PSD3: variants seen among roughly 807,000 people sequenced by gnomAD.
PSD3 encodes pleckstrin and Sec7 domain containing 3, also known as PH and SEC7 domain-containing protein 3.
A neutral mutation model predicts 105.5 loss-of-function variants in PSD3; 49 were observed. The observed-to-expected ratio is 0.46, with a 90% CI of 0.37 to 0.59. The LOEUF is 0.59. Among genes scored for constraint, PSD3 ranks in the 20% least tolerant of loss-of-function variants. PSD3 has a pLI of 0.00. For synonymous variants in PSD3, 557 were observed against 457.8 expected, an observed-to-expected ratio of 1.22 and a Z score of -2.77; for missense variants, 1,561 against 1,263.8, an observed-to-expected ratio of 1.24 and a Z score of -3.57.
chr8:18,656,795 C>A (rs561628156), intron 9 of PSD3, among the ~76,000 whole-genome samples: 103 of 152,180 alleles, frequency 6.8e-4, no homozygotes, highest in African/African-American at 2.5e-3. Context: ...TAATAGTGCA[C>A]AACAGCCTCA....
intron 1 of PSD3, among the ~76,000 whole-genome samples, chr8:18,966,132 T>G (rs1462779612): frequency 6.6e-6 from 1 of 151,976 alleles, no homozygotes; most frequent in Non-Finnish European, 1.5e-5. Context: ...CAGTAAAGAG[T>G]TGACTATACC....
chr8:18,980,557 G>T (rs1825198943), intron 1 of PSD3, among the ~76,000 whole-genome samples: 2 of 151,986 alleles, frequency 1.3e-5, no homozygotes, highest in Non-Finnish European at 2.9e-5. Context: ...AAATACATTA[G>T]GGTTTACATC....
rs543703959 is a variant in PSD3, at chr8:18,631,008, C to T, written c.2410+1605G>A. Reference sequence around the variant, plus strand: ...CAGAGGCCCTGGAATCAATCCCCTACAGATATTAAGGGACAACGGTATTTT... The same window carrying T: ...CAGAGGCCCTGGAATCAATCCCCTATAGATATTAAGGGACAACGGTATTTT... On this transcript the variant is annotated intron_variant, in intron 11 of 15. Coordinates refer to ENST00000327040, the MANE Select transcript of PSD3 (RefSeq NM_015310.4). Among the ~76,000 whole-genome samples the T allele has an allele frequency of 1.2e-3, 179 of 152,068 alleles. 6 individuals are homozygous for T. In the South Asian group the frequency reaches 0.036, roughly 31 times the overall value.
In PSD3 at chr8:18,804,975, A is replaced by G. The variant is rs994326536; in HGVS notation, c.1635-77T>C. On this transcript the variant is annotated intron_variant, in intron 4 of 15. Transcript: ENST00000327040. Reference sequence around the variant, plus strand: ...AAGGAAAATATCTGATGAAATATTGATAGTTTTCTTTTAGTTCAGCTACAC... The same window carrying G: ...AAGGAAAATATCTGATGAAATATTGGTAGTTTTCTTTTAGTTCAGCTACAC... 8.1e-6 allele frequency: 10 copies of G among 1,241,152 alleles called. No homozygotes were observed. In the African/African-American group the frequency reaches 1.4e-4, roughly 17 times the overall value. The allele number at this position is 1,241,152 out of a possible 1,614,324, so 76.9% of individuals were successfully genotyped here. A position where few individuals can be genotyped will look rare whatever the true frequency, so the allele number is the denominator to read the frequency against.
At chr8:18,814,478 C>G (rs940281754) in intron 4 of PSD3, among the ~76,000 whole-genome samples, 7 of 152,180 alleles carry the variant, frequency 4.6e-5, no homozygotes, top group African/African-American at 1.7e-4. Context: ...TGCAGGTTTT[C>G]ACTTTTTGTT....
At chr8:18,545,359 A>G (rs1800394949) in intron 15 of PSD3, among the ~76,000 whole-genome samples, 1 of 152,190 alleles carries the variant, frequency 6.6e-6, no homozygotes, top group Non-Finnish European at 1.5e-5. Flanking sequence ...GCTGTTTCCA[A>G]AGGTCCCACC....
At chr8:18,850,405 A>C (rs1815467320) in intron 4 of PSD3, among the ~76,000 whole-genome samples, 1 of 152,262 alleles carries the variant, frequency 6.6e-6, no homozygotes, top group Non-Finnish European at 1.5e-5. Flanking sequence ...AAAGATGATC[A>C]GCTGTGGATG....
intron 12 of PSD3, among the ~76,000 whole-genome samples, chr8:18,584,916 A>G (rs114544489): frequency 1.2e-3 from 184 of 152,244 alleles, no homozygotes; most frequent in African/African-American, 4.0e-3. Context: ...GGTGAGAGGG[A>G]GAGGGAGCGG....
chr8:18,803,743 G>A (rs75995783), intron 6 of PSD3, among the ~76,000 whole-genome samples: 1,762 of 152,034 alleles, frequency 0.012, 18 homozygotes, highest in Middle Eastern at 0.021. Flanking sequence ...GAGAAGAGAA[G>A]TAGAATAGTG....
intron 4 of PSD3, among the ~76,000 whole-genome samples, chr8:18,836,301 T>A (rs1814102686): frequency 6.6e-6 from 1 of 152,328 alleles, no homozygotes; most frequent in Admixed American, 6.5e-5. Context: ...CCTACAGTTA[T>A]CTCAAATATC....
rs572065867 is a variant in PSD3, at chr8:18,600,816, C to G, written c.2411-382G>C. On this transcript the variant is annotated intron_variant, in intron 11 of 15. Transcript: ENST00000327040. ...AAATACATAGCAATCCAAGAGAAAGCTTAAAGAGCTCATGTACCAGAGCCT... is the reference window on the plus strand; with the variant it reads ...AAATACATAGCAATCCAAGAGAAAGGTTAAAGAGCTCATGTACCAGAGCCT... Among the ~76,000 whole-genome samples, 4 of 152,300 alleles carry G rather than the reference C, an allele frequency of 2.6e-5. No individual in the cohort carries two copies. The South Asian group carries it at 8.3e-4, about 32-fold the overall frequency.
At chr8:18,612,480 C>A (rs55883846) in intron 11 of PSD3, among the ~76,000 whole-genome samples, 33,492 of 151,884 alleles carry the variant, frequency 0.22, 3,948 homozygotes, top group Middle Eastern at 0.38. Context: ...TCAAGCCATT[C>A]CCCTGCCTCA....
chr8:18,930,697 G>C lies in PSD3; in HGVS notation c.130+5337C>G, dbSNP rs967318038. Among the ~76,000 whole-genome samples the C allele has an allele frequency of 2.6e-5, 4 of 151,832 alleles. No individual in the cohort carries two copies. In the East Asian group the frequency reaches 7.8e-4, roughly 30 times the overall value. On this transcript the variant is annotated intron_variant, in intron 2 of 15. Coordinates refer to ENST00000327040, the MANE Select transcript of PSD3 (RefSeq NM_015310.4). ...CGATTCTCCTGCCTCAGCTTCCTGA[G>C]TAGCTGCGATGACAGGCATGTGCAA...
chr8:18,675,562 C>G (rs899662215), intron 9 of PSD3, among the ~76,000 whole-genome samples: 1 of 152,098 alleles, frequency 6.6e-6, no homozygotes, highest in South Asian at 2.1e-4. Context: ...ACTAGAGCCT[C>G]AGCCAGCCCG....
At chr8:18,659,920 C>A (rs146511336) in intron 9 of PSD3, among the ~76,000 whole-genome samples, 14 of 152,252 alleles carry the variant, frequency 9.2e-5, no homozygotes, top group African/African-American at 3.1e-4. Context: ...AGAAACATTG[C>A]TATGGACTGG....
chr8:18,858,295 AAAAC>A (rs1285367375), intron 4 of PSD3, among the ~76,000 whole-genome samples: 1 of 152,186 alleles, frequency 6.6e-6, no homozygotes, highest in Non-Finnish European at 1.5e-5. Context: ...CTTTCCTTTA[AAAAC>A]AAACTTTATT....
At chr8:18,840,251 T>C (rs1814505235) in intron 4 of PSD3, among the ~76,000 whole-genome samples, 1 of 152,042 alleles carries the variant, frequency 6.6e-6, no homozygotes, top group Non-Finnish European at 1.5e-5. Context: ...CCTCAATCAC[T>C]CTGAGTAATA....
At chr8:18,640,608 T>C (rs1807575338) in intron 10 of PSD3, among the ~76,000 whole-genome samples, 1 of 152,158 alleles carries the variant, frequency 6.6e-6, no homozygotes, top group Admixed American at 6.6e-5. Flanking sequence ...TAACTGTAAG[T>C]TTCCTGAGGC....
chr8:18,872,669 G>A lies in PSD3; in HGVS notation c.195C>T (p.Thr65=), dbSNP rs1817469656. The A allele has an allele frequency of 1.9e-6, 3 of 1,601,402 alleles. No homozygotes were observed. The highest frequency in any genetic ancestry group is 2.6e-6 in the Non-Finnish European group (3 of 1,176,072). The part of the protein sequence containing the change: ...NVTNEFPEYG[T]MEEGGEGLRA... ...TTAGGCCTTCTCCACCTTCCTCCAT[G>A]GTCCCATATTCTGGAAATTCATTTG... Residue 65 remains threonine, a synonymous_variant, in exon 3 of 16, where the codon ACC becomes ACT. Transcript: ENST00000327040.
Sources: allele counts gnomAD v4.1 joint callset (sites outside exome capture counted in the v4.1 genomes callset), GRCh38; gene constraint gnomAD v4.1.1; transcripts MANE v1.5; gene names NCBI Gene and HGNC (gene_info 2026-07-23, HGNC 2026-07-21).